The following TMPO variants were observed in gnomAD, a reference collection of about 807,000 sequenced individuals.
TMPO encodes LEM domain containing 4.
Under a neutral mutation model 45.4 loss-of-function variants are expected in TMPO, and 22 were observed. That is an observed-to-expected ratio of 0.48 (90% CI 0.35 to 0.69). The LOEUF is 0.69. TMPO is among the 30% of genes least tolerant of loss of function. The pLI is 0.01. For synonymous variants in TMPO, 241 were observed against 204.1 expected (o/e 1.18, Z -1.54); for missense variants, 512 against 548.8 (o/e 0.93, Z 0.67).
intron 7 of TMPO, among the ~76,000 whole-genome samples, chr12:98,545,819 G>T (rs973191806): frequency 6.6e-6 from 1 of 151,700 alleles, no homozygotes; most frequent in Non-Finnish European, 1.5e-5. Context: ...TGCAACCTCC[G>T]CCTCCTGGGT....
At chr12:98,544,381 AT>A (rs766611992) in intron 5 of TMPO, 32 bp downstream of exon 5, 1 of 1,613,772 alleles carries the variant, frequency 6.2e-7, no homozygotes, top group South Asian at 1.1e-5. Context: ...GGGTTTTCAG[AT>A]TTGTAGGGTT....
intron 1 of TMPO, among the ~76,000 whole-genome samples, chr12:98,521,834 A>AT: frequency 6.6e-6 from 1 of 152,092 alleles, no homozygotes; most frequent in South Asian, 2.1e-4. Flanking sequence ...GGTTCAAGTG[A>AT]TTCTCCTGCC....
At position 98,515,646 on chromosome 12, in the gene TMPO, C is replaced by T. The variant is rs1875717323; in HGVS notation, c.-222C>T. 6.8e-6 allele frequency: 6 copies of T among 881,620 alleles called. No homozygotes were observed. The Admixed American group carries it at 8.4e-5, about 12-fold the overall frequency. 54.6% of individuals were successfully genotyped at this position (881,620 alleles called of 1,614,324 possible). A position where few individuals can be genotyped will look rare whatever the true frequency, so the allele number is the denominator to read the frequency against. On this transcript the variant is annotated 5_prime_UTR_variant, in exon 1 of 9. Coordinates refer to ENST00000556029, the MANE Select transcript of TMPO (RefSeq NM_001032283.3). ...TGTGGGCTGGGGTTGGTGCGAGCTTCCAGCTTGGCCGCAGTTGGTTCGTAG... is the reference window on the plus strand; with the variant it reads ...TGTGGGCTGGGGTTGGTGCGAGCTTTCAGCTTGGCCGCAGTTGGTTCGTAG...
chr12:98,536,181 A>G (rs1357228644), intron 3 of TMPO, among the ~76,000 whole-genome samples: 3 of 152,230 alleles, frequency 2.0e-5, no homozygotes, highest in African/African-American at 7.2e-5. Context: ...CAAGACACAT[A>G]TAGATGTCTT....
rs1454419274 is a variant in TMPO, at chr12:98,515,779, C to T, written c.-89C>T. ...GGGCAGGAGCCGTGAGGCTCGGAGGCGGCAGCGCGGTCCCCGGCCAGGAGC... is the reference window on the plus strand; with the variant it reads ...GGGCAGGAGCCGTGAGGCTCGGAGGTGGCAGCGCGGTCCCCGGCCAGGAGC... On this transcript the variant is annotated 5_prime_UTR_variant, in exon 1 of 9. Coordinates refer to ENST00000556029, the MANE Select transcript of TMPO (RefSeq NM_001032283.3). 3.0e-5 allele frequency: 46 copies of T among 1,549,098 alleles called. 1 individual carries two copies. Among genetic ancestry groups the T allele is most frequent in the Non-Finnish European group, 2.7e-5 (31 of 1,147,232 alleles).
In TMPO at chr12:98,544,317, A is replaced by G. The variant is rs1878087998; in HGVS notation, c.751A>G (p.Thr251Ala). The change falls in exon 5 of 9, where the codon ACA becomes GCA. Residue 251 changes from threonine (T) to alanine (A), a missense_variant. This residue lies in a region of TMPO where 4 missense variants were observed against 17.1 expected (regional missense o/e 0.23). Transcript: ENST00000556029. ...TCTGCAGGCATTAACTAGGGAATCT[A>G]CAAGAGGGTCAAGAAGAACTCCAAG... ...GPLQALTRES[T>A]RGSRRTPRKR... 1 of 1,613,942 alleles carries G rather than the reference A, an allele frequency of 6.2e-7. No homozygotes were observed. The highest frequency in any genetic ancestry group is 1.3e-5 in the African/African-American group (1 of 74,952).
intron 1 of TMPO, among the ~76,000 whole-genome samples, chr12:98,524,040 A>G (rs1876577886): frequency 6.6e-6 from 1 of 152,230 alleles, no homozygotes; most frequent in South Asian, 2.1e-4. Flanking sequence ...TCAAAAATAA[A>G]TTACTTTTTC....
chr12:98,545,125 G>GTTTT (rs573744306), intron 7 of TMPO, 64 bp downstream of exon 7: 402 of 542,492 alleles, frequency 7.4e-4, no homozygotes, highest in African/African-American at 1.0e-3. Context: ...ATAAATATTT[G>GTTTT]TTTGTTTTTT....
chr12:98,543,597 T>C (rs180834861), intron 4 of TMPO, among the ~76,000 whole-genome samples: 15 of 152,294 alleles, frequency 9.8e-5, no homozygotes, highest in Non-Finnish European at 1.6e-4. Context: ...ATGGATAGCA[T>C]TGAGATTTGA....
At chr12:98,532,951 CCTT>C (rs1877301196) in intron 3 of TMPO, 4 of 1,614,158 alleles carry the variant, frequency 2.5e-6, no homozygotes, top group South Asian at 1.1e-5. Context: ...CACCCGTCCT[CCTT>C]TGGGCAGTAC....
At chr12:98,521,869 A>G (rs1876395061) in intron 1 of TMPO, among the ~76,000 whole-genome samples, 1 of 152,142 alleles carries the variant, frequency 6.6e-6, no homozygotes, top group Admixed American at 6.6e-5. Flanking sequence ...AGCTGGGATT[A>G]CAAGCGTGCA....
chr12:98,542,771 T>G (rs1198337713), intron 4 of TMPO, among the ~76,000 whole-genome samples: 1 of 152,156 alleles, frequency 6.6e-6, no homozygotes, highest in Non-Finnish European at 1.5e-5. Context: ...GGCAGGAGAA[T>G]CACTTGAACC....
At chr12:98,547,525 T>C in intron 8 of TMPO, 48 bp from the exon 9 acceptor site, 1 of 1,608,456 alleles carries the variant, frequency 6.2e-7, no homozygotes, top group Non-Finnish European at 8.5e-7. Context: ...CTCTAAATCA[T>C]GCCTTTATCT....
In TMPO at chr12:98,532,946, G is replaced by A. The variant is rs758666714; in HGVS notation, c.565+1108G>A. The A allele has an allele frequency of 1.1e-5, 17 of 1,614,032 alleles. No individual in the cohort carries two copies. The highest frequency in any genetic ancestry group is 1.6e-4 in the Middle Eastern group (1 of 6,062). ...ATTTCTTTTCCTGAAATCTCCACCC[G>A]TCCTCCTTTGGGCAGTACCGAACTA... is the stretch of plus-strand genomic sequence containing the variant. On this transcript the variant is annotated intron_variant, in intron 3 of 8. Coordinates refer to ENST00000556029, the MANE Select transcript of TMPO (RefSeq NM_001032283.3).
chr12:98,519,013 C>G (rs945528904), intron 1 of TMPO, among the ~76,000 whole-genome samples: 9 of 151,956 alleles, frequency 5.9e-5, no homozygotes, highest in South Asian at 2.1e-4. Context: ...TCCCGAGTAG[C>G]TGGGACTACA....
chr12:98,520,747 G>A (rs1030862941), intron 1 of TMPO, among the ~76,000 whole-genome samples: 1 of 151,270 alleles, frequency 6.6e-6, no homozygotes, highest in African/African-American at 2.4e-5. Context: ...ACCACGCCTG[G>A]CTAATTTTAT....
intron 4 of TMPO, 22 bp downstream of exon 4, chr12:98,537,594 C>T (rs763873350): frequency 1.1e-5 from 17 of 1,559,844 alleles, no homozygotes; most frequent in Non-Finnish European, 1.5e-5. Flanking sequence ...TTTATTACCA[C>T]CGTGTACAGG....
At chr12:98,533,365 T>C (rs1565811435) in intron 3 of TMPO, 7 of 1,614,066 alleles carry the variant, frequency 4.3e-6, no homozygotes, top group Non-Finnish European at 5.1e-6. Context: ...ACAACTAATT[T>C]CTCCGCCACT....
chr12:98,543,330 C>T (rs773622002), intron 4 of TMPO, among the ~76,000 whole-genome samples: 1 of 152,160 alleles, frequency 6.6e-6, no homozygotes, highest in Non-Finnish European at 1.5e-5. Context: ...CTGGTAATAG[C>T]GACTTCAAAA....
Sources: allele counts gnomAD v4.1 joint callset (sites outside exome capture counted in the v4.1 genomes callset), GRCh38; gene constraint gnomAD v4.1.1; regional missense constraint gnomAD v4.1.1; transcripts MANE v1.5; gene names NCBI Gene and HGNC (gene_info 2026-07-23, HGNC 2026-07-21).